The following GAB4 variants were observed in gnomAD, a reference collection of about 807,000 sequenced individuals.
GAB4 encodes the protein GRB2 associated binding protein family member 4.
A neutral mutation model predicts 51.3 loss-of-function variants in GAB4; 26 were observed. The observed-to-expected ratio is 0.51, with a 90% confidence interval of 0.37 to 0.70. The LOEUF is 0.70. GAB4 is among the 30% of genes least tolerant of loss of function. The pLI, the probability that GAB4 is intolerant of heterozygous loss-of-function variation, is 0.00. For synonymous variants in GAB4, 329 were observed against 291.2 expected, an observed-to-expected ratio of 1.13 and a Z score of -1.32; for missense variants, 759 against 734.6, an observed-to-expected ratio of 1.03 and a Z score of -0.38.
At position 16,971,955 on chromosome 22, in the gene GAB4, A is replaced by G. The variant is rs116779790; in HGVS notation, c.687-1762T>C. On this transcript the variant is annotated intron_variant, in intron 3 of 9. Transcript: ENST00000400588. ...GACCAAGCCAACAGCATGGGCCTCC[A>G]TAACTGAACACGTCTCTAGAGCATG... Among the ~76,000 whole-genome samples, 677 of 152,338 alleles carry G rather than the reference A, an allele frequency of 4.4e-3. 4 individuals are homozygous for G. Among genetic ancestry groups the G allele is most frequent in the African/African-American group, 0.015 (639 of 41,562 alleles).
chr22:16,988,973 C>T (rs1449930667), intron 2 of GAB4, among the ~76,000 whole-genome samples: 2 of 152,088 alleles, frequency 1.3e-5, no homozygotes, highest in South Asian at 2.1e-4. Flanking sequence ...CTTCAGGGAC[C>T]GACTTTCTTC....
At chr22:17,000,336 G>T (rs2060987521) in intron 1 of GAB4, among the ~76,000 whole-genome samples, 1 of 152,180 alleles carries the variant, frequency 6.6e-6, no homozygotes, top group Non-Finnish European at 1.5e-5. Flanking sequence ...TGTATTGGGT[G>T]CATGTATATT....
chr22:16,977,946 A>C (rs1044742671), intron 3 of GAB4, among the ~76,000 whole-genome samples: 3 of 151,938 alleles, frequency 2.0e-5, no homozygotes, highest in African/African-American at 7.3e-5. Flanking sequence ...GTAAATAACG[A>C]AAATAAGGCA....
At chr22:16,965,382 C>T (rs986199965) in intron 6 of GAB4, 114 bp from the exon 7 acceptor site, 11 of 767,330 alleles carry the variant, frequency 1.4e-5, no homozygotes, top group Non-Finnish European at 2.3e-5. Flanking sequence ...CCAGTCCACC[C>T]AGCTGTGTGC....
intron 3 of GAB4, among the ~76,000 whole-genome samples, chr22:16,977,203 C>A (rs751746286): frequency 3.9e-5 from 6 of 151,978 alleles, no homozygotes; most frequent in Non-Finnish European, 7.4e-5. Flanking sequence ...GGCTAAATGC[C>A]GCAATTAAAA....
At chr22:16,974,864 A>G (rs1310906721) in intron 3 of GAB4, among the ~76,000 whole-genome samples, 3 of 152,262 alleles carry the variant, frequency 2.0e-5, no homozygotes, top group East Asian at 3.9e-4. Flanking sequence ...ACAGAGGGTG[A>G]GCCGAAGCAG....
chr22:16,986,967 T>A (rs1367789166), intron 3 of GAB4, among the ~76,000 whole-genome samples: 1 of 152,174 alleles, frequency 6.6e-6, no homozygotes, highest in Non-Finnish European at 1.5e-5. Context: ...TGAGGACACC[T>A]GGGTTCTAGT....
chr22:16,995,600 G>A (rs918592617), intron 1 of GAB4, among the ~76,000 whole-genome samples: 83 of 152,340 alleles, frequency 5.4e-4, no homozygotes, highest in Admixed American at 3.9e-3. Flanking sequence ...CTGGGATGAC[G>A]CTTCCAGAGG....
At chr22:17,007,397 C>T (rs2061049205) in intron 1 of GAB4, among the ~76,000 whole-genome samples, 2 of 152,100 alleles carry the variant, frequency 1.3e-5, no homozygotes, top group South Asian at 2.1e-4. Context: ...CGAACGACCC[C>T]GGGAGTGGCG....
intron 1 of GAB4, among the ~76,000 whole-genome samples, chr22:17,005,600 T>C (rs1423254054): frequency 6.6e-6 from 1 of 152,176 alleles, no homozygotes; most frequent in Non-Finnish European, 1.5e-5. Context: ...GACTTCAAAC[T>C]GTACTACAAG....
At position 16,969,955 on chromosome 22, in the gene GAB4, C is replaced by T; in HGVS notation, c.925G>A (p.Ala309Thr). Residue 309 changes from alanine (A) to threonine (T), a missense_variant, in exon 4 of 10, where the codon GCG (alanine) becomes ACG (threonine). Physicochemically the swap from Ala to Thr is moderately conservative, Grantham distance 58 (BLOSUM62 0). Coordinates refer to ENST00000400588, the MANE Select transcript of GAB4 (RefSeq NM_001037814.1). ...AAGGGGTACACACCCTCATTATCCG[C>T]CTCAGAGCCTGTGAGGCTGCCTCTG... is the stretch of plus-strand genomic sequence containing the variant. ...HTRGSLTGSEADNEASSGKYT... is the reference protein window; with the variant it reads ...HTRGSLTGSETDNEASSGKYT... 3 of 1,614,184 alleles carry T rather than the reference C, an allele frequency of 1.9e-6. No individual in the cohort carries two copies. The highest frequency in any genetic ancestry group is 2.5e-6 in the Non-Finnish European group (3 of 1,180,042).
chr22:16,974,215 G>A (rs982839799), intron 3 of GAB4, among the ~76,000 whole-genome samples: 4 of 152,188 alleles, frequency 2.6e-5, no homozygotes, highest in South Asian at 2.1e-4. Context: ...TTTGTTGGAC[G>A]GATAATTGGG....
rs777696499 is a variant in GAB4 at position 16,965,277 on chromosome 22, G to C, written c.1289-9C>G. Reference sequence around the variant, plus strand: ...GGGCGGTGTTGGGTTGGCTGGAGCAGGAAAAGAACCTTGTCATCAGCCAGT... The same window carrying C: ...GGGCGGTGTTGGGTTGGCTGGAGCACGAAAAGAACCTTGTCATCAGCCAGT... On this transcript the variant is annotated splice_polypyrimidine_tract_variant and intron_variant, in intron 6 of 9. Transcript: ENST00000400588. 27 of 1,610,400 alleles carry C rather than the reference G, an allele frequency of 1.7e-5. 1 individual carries two copies. The Admixed American group carries it at 4.3e-4, about 26-fold the overall frequency.
In GAB4 at chr22:16,970,145, TCTC is replaced by T. The variant is rs2060718179; in HGVS notation, c.732_734del (p.Arg245del). ...GGGCAAGATTTTGCATGGCTGTGTTTCTCCTCATGATGAATGGGGCCTCAGAAC... is the reference window on the plus strand; with the variant it reads ...GGGCAAGATTTTGCATGGCTGTGTTTCTCATGATGAATGGGGCCTCAGAAC... On this transcript the variant is annotated inframe_deletion, in exon 4 of 10. Coordinates refer to ENST00000400588, the MANE Select transcript of GAB4 (RefSeq NM_001037814.1). 1 of 1,614,114 alleles carries T rather than the reference TCTC, an allele frequency of 6.2e-7. No homozygotes were observed. Among genetic ancestry groups the T allele is most frequent in the Non-Finnish European group, 8.5e-7 (1 of 1,180,030 alleles).
chr22:16,993,041 T>C (rs2060925930), intron 1 of GAB4, among the ~76,000 whole-genome samples: 1 of 152,196 alleles, frequency 6.6e-6, no homozygotes, highest in Admixed American at 6.5e-5. Flanking sequence ...CTAGTACTTA[T>C]AATAGTATTA....
Position 16,973,901 on chromosome 22 carries a change from C to T in GAB4, c.687-3708G>A, listed in dbSNP as rs149720397. ...TCTACTCCTAGCCAACCATGTCCTCCAAGACAGCAGAGGGCCACATCCTGT... is the reference window on the plus strand; with the variant it reads ...TCTACTCCTAGCCAACCATGTCCTCTAAGACAGCAGAGGGCCACATCCTGT... On this transcript the variant is annotated intron_variant, in intron 3 of 9. Coordinates refer to ENST00000400588, the MANE Select transcript of GAB4 (RefSeq NM_001037814.1). Among the ~76,000 whole-genome samples, 508 of 152,344 alleles carry T rather than the reference C, an allele frequency of 3.3e-3. 1 individual carries two copies. The highest frequency in any genetic ancestry group is 0.017 in the Middle Eastern group (5 of 294).
chr22:16,965,032 C>T (rs1157356279), intron 7 of GAB4, 146 bp downstream of exon 7: 13 of 721,330 alleles, frequency 1.8e-5, no homozygotes, highest in East Asian at 1.6e-4. Context: ...ATGAGAAGGC[C>T]GTCACGCCTC....
intron 2 of GAB4, among the ~76,000 whole-genome samples, chr22:16,989,505 C>G (rs1427415936): frequency 6.6e-6 from 1 of 152,222 alleles, no homozygotes; most frequent in African/African-American, 2.4e-5. Context: ...TGGCAGGGCT[C>G]TGGGAAAGAT....
intron 5 of GAB4, 200 bp from the exon 6 acceptor site, chr22:16,966,564 G>T (rs972503235): frequency 1.2e-5 from 7 of 581,998 alleles, no homozygotes; most frequent in Non-Finnish European, 2.1e-5. Context: ...CATGGATGGG[G>T]CCCCTCTGGG....
Sources: allele counts gnomAD v4.1 joint callset (sites outside exome capture counted in the v4.1 genomes callset), GRCh38; gene constraint gnomAD v4.1.1; transcripts MANE v1.5; gene names NCBI Gene and HGNC (gene_info 2026-07-23, HGNC 2026-07-21).